GPR158: variants seen among roughly 807,000 people sequenced by gnomAD.
GPR158 encodes G protein-coupled receptor 158.
GPR158 carries 30 observed loss-of-function variants against 78.2 expected under a neutral mutation model. The observed-to-expected ratio is 0.38, with a 90% confidence interval of 0.29 to 0.52. The LOEUF (loss-of-function observed/expected upper bound fraction) is 0.52. Ranked by LOEUF, GPR158 falls within the 20% of genes least tolerant of loss-of-function variation. GPR158 has a pLI of 0.83. For missense variants in GPR158, 1,463 were observed against 1,523.5 expected, an observed-to-expected ratio of 0.96 and a Z score of 0.66; for synonymous variants, 581 against 591.1, an observed-to-expected ratio of 0.98 and a Z score of 0.25.
chr10:25,338,930 G>A (rs1196998881), intron 2 of GPR158, among the ~76,000 whole-genome samples: 1 of 150,746 alleles, frequency 6.6e-6, no homozygotes, highest in African/African-American at 2.4e-5. Context: ...TTTTCTCTCA[G>A]TGATGTCCTA....
At chr10:25,388,486 A>T (rs1254835842) in intron 2 of GPR158, among the ~76,000 whole-genome samples, 3 of 152,190 alleles carry the variant, frequency 2.0e-5, no homozygotes, top group African/African-American at 4.8e-5. Flanking sequence ...TGCAGCCAGG[A>T]CTCATGGGGC....
chr10:25,294,468 C>T (rs765618212), intron 2 of GPR158, among the ~76,000 whole-genome samples: 1 of 152,130 alleles, frequency 6.6e-6, no homozygotes, highest in Admixed American at 6.5e-5. Context: ...TTTTCTGAGT[C>T]GTGCTTGTGA....
At chr10:25,427,229 G>C (rs907693415) in intron 4 of GPR158, among the ~76,000 whole-genome samples, 1 of 152,016 alleles carries the variant, frequency 6.6e-6, no homozygotes, top group African/African-American at 2.4e-5. Context: ...GGAGAAGGTC[G>C]AACCACTGTA....
intron 1 of GPR158, among the ~76,000 whole-genome samples, chr10:25,218,820 C>G (rs796308225): frequency 7.2e-5 from 11 of 151,996 alleles, no homozygotes; most frequent in African/African-American, 2.2e-4. Flanking sequence ...CTATTTCATC[C>G]CCTTTATCTG....
chr10:25,580,769 C>T (rs942566973), intron 7 of GPR158, among the ~76,000 whole-genome samples: 4 of 152,024 alleles, frequency 2.6e-5, no homozygotes, highest in Non-Finnish European at 5.9e-5. Flanking sequence ...TCTGTCACCC[C>T]GGCTGGAGTG....
intron 2 of GPR158, among the ~76,000 whole-genome samples, chr10:25,305,497 C>A (rs903720645): frequency 2.6e-5 from 4 of 151,986 alleles, no homozygotes; most frequent in South Asian, 4.2e-4. Flanking sequence ...ATATGTGAGT[C>A]CAGGATCCTA....
chr10:25,257,176 G>A (rs961123459), intron 2 of GPR158, among the ~76,000 whole-genome samples: 4 of 152,186 alleles, frequency 2.6e-5, no homozygotes, highest in East Asian at 1.9e-4. Context: ...AAGCAAGTAC[G>A]TGAGACAGAG....
chr10:25,436,640 C>T (rs930751768), intron 4 of GPR158, among the ~76,000 whole-genome samples: 3 of 152,102 alleles, frequency 2.0e-5, no homozygotes, highest in African/African-American at 7.2e-5. Context: ...GATACTACTG[C>T]GTGATGGAAT....
chr10:25,575,419 C>T (rs781653046), intron 7 of GPR158, among the ~76,000 whole-genome samples: 34 of 152,086 alleles, frequency 2.2e-4, no homozygotes, highest in Middle Eastern at 3.4e-3. Flanking sequence ...GAAAGAGCGG[C>T]TCTCAAAGTG....
At chr10:25,575,552 CG>C (rs1837080900) in intron 7 of GPR158, among the ~76,000 whole-genome samples, 1 of 152,042 alleles carries the variant, frequency 6.6e-6, no homozygotes, top group Non-Finnish European at 1.5e-5. Flanking sequence ...ATCTGTGTTT[CG>C]TAAGTGTTCC....
At chr10:25,500,250 T>C (rs1450104848) in intron 5 of GPR158, among the ~76,000 whole-genome samples, 2 of 152,232 alleles carry the variant, frequency 1.3e-5, no homozygotes, top group African/African-American at 2.4e-5. Flanking sequence ...ATTACTTTAA[T>C]TGAATTTGGT....
At chr10:25,442,456 C>G (rs148625667) in intron 4 of GPR158, among the ~76,000 whole-genome samples, 37 of 152,122 alleles carry the variant, frequency 2.4e-4, no homozygotes, top group African/African-American at 3.9e-4. Flanking sequence ...AACCCAGAAC[C>G]CTCTCTTCTC....
At chr10:25,370,977 A>T (rs1317664842) in intron 2 of GPR158, among the ~76,000 whole-genome samples, 1 of 148,306 alleles carries the variant, frequency 6.7e-6, no homozygotes, top group Non-Finnish European at 1.5e-5. Flanking sequence ...TTTATCAGAG[A>T]CTAGGATTGC....
intron 4 of GPR158, among the ~76,000 whole-genome samples, chr10:25,440,836 G>A (rs181823166): frequency 9.6e-4 from 146 of 152,242 alleles, no homozygotes; most frequent in Non-Finnish European, 1.3e-3. Flanking sequence ...AGGGGTATAT[G>A]TTATTTTCTC....
intron 2 of GPR158, among the ~76,000 whole-genome samples, chr10:25,255,836 C>T (rs992576309): frequency 2.0e-5 from 3 of 152,142 alleles, no homozygotes; most frequent in African/African-American, 7.2e-5. Flanking sequence ...CCACAACATT[C>T]CTTCATCTTT....
At chr10:25,564,456 G>A (rs1588914460) in intron 6 of GPR158, among the ~76,000 whole-genome samples, 2 of 152,140 alleles carry the variant, frequency 1.3e-5, no homozygotes, top group African/African-American at 2.4e-5. Context: ...GTCCCGGGTA[G>A]CATTGACTAA....
intron 5 of GPR158, among the ~76,000 whole-genome samples, chr10:25,491,095 C>T (rs1227033318): frequency 1.3e-5 from 2 of 152,066 alleles, no homozygotes; most frequent in African/African-American, 2.4e-5. Context: ...TTGTGATGTT[C>T]AAGGTAGATT....
intron 5 of GPR158, among the ~76,000 whole-genome samples, chr10:25,476,788 A>G (rs1007920363): frequency 6.6e-6 from 1 of 152,134 alleles, no homozygotes; most frequent in Non-Finnish European, 1.5e-5. Flanking sequence ...GAGGCTGGGA[A>G]GGCCCATGTT....
At chr10:25,210,993 G>T (rs1036493852) in intron 1 of GPR158, among the ~76,000 whole-genome samples, 8 of 151,948 alleles carry the variant, frequency 5.3e-5, no homozygotes, top group Non-Finnish European at 8.8e-5. Context: ...ATAGCGGGGT[G>T]TGGTGGCAGG....
Sources: gnomAD v4.1 joint callset for allele counts (sites outside exome capture counted in the v4.1 genomes callset) on GRCh38, gnomAD v4.1.1 for gene constraint, MANE v1.5 for transcripts, NCBI Gene and HGNC (gene_info 2026-07-23, HGNC 2026-07-21) for gene names.